Variants in LRBA observed in about 807,000 individuals in gnomAD.
The protein encoded by LRBA is lipopolysaccharide-responsive and beige-like anchor protein.
In LRBA, 176 loss-of-function variants were observed where a neutral mutation model predicts 330.0. The observed-to-expected ratio is 0.53, with a 90% CI of 0.47 to 0.60. The LOEUF is 0.60. Ranked by LOEUF, LRBA falls within the 20% of genes least tolerant of loss-of-function variation. LRBA has a pLI of 0.00. For missense variants in LRBA, 3,259 were observed against 3,444.8 expected (o/e 0.95, Z 1.35); for synonymous variants, 1,230 against 1,193.0 (o/e 1.03, Z -0.64).
intron 33 of LRBA, among the ~76,000 whole-genome samples, chr4:150,805,958 A>G (rs922173088): frequency 2.6e-5 from 4 of 152,160 alleles, no homozygotes; most frequent in African/African-American, 9.7e-5. Flanking sequence ...ATCTAAGTTC[A>G]AGTAAAATCC....
At chr4:150,825,594 G>T (rs1407559902) in intron 30 of LRBA, among the ~76,000 whole-genome samples, 2 of 151,932 alleles carry the variant, frequency 1.3e-5, no homozygotes, top group Non-Finnish European at 2.9e-5. Context: ...GTCTTGAACT[G>T]CTGATCTCAA....
chr4:150,505,316 C>T (rs1184321624), intron 40 of LRBA, among the ~76,000 whole-genome samples: 2 of 152,082 alleles, frequency 1.3e-5, no homozygotes, highest in Non-Finnish European at 2.9e-5. Flanking sequence ...CCAAAATTGA[C>T]CACATAGTTG....
intron 53 of LRBA, among the ~76,000 whole-genome samples, chr4:150,286,638 A>G (rs199862063): frequency 6.8e-6 from 1 of 146,556 alleles, no homozygotes; most frequent in Non-Finnish European, 1.5e-5. Flanking sequence ...CTAAAAAAAA[A>G]CCAAACCCTT....
intron 33 of LRBA, among the ~76,000 whole-genome samples, chr4:150,805,254 A>G (rs1742429693): frequency 7.3e-6 from 1 of 136,644 alleles, no homozygotes; most frequent in Non-Finnish European, 1.6e-5. Context: ...AGGAAAGGAG[A>G]AGGAAACGAG....
chr4:150,630,976 T>TGTCAATG (rs1777320827), intron 37 of LRBA, among the ~76,000 whole-genome samples: 1 of 152,126 alleles, frequency 6.6e-6, no homozygotes, highest in South Asian at 2.1e-4. Context: ...TAACCTAGTG[T>TGTCAATG]GTCAATGGGT....
chr4:150,748,804 G>A (rs1404496242), intron 35 of LRBA, among the ~76,000 whole-genome samples: 1 of 152,108 alleles, frequency 6.6e-6, no homozygotes, highest in Non-Finnish European at 1.5e-5. Flanking sequence ...GAGGTCATTA[G>A]GTCATGAGGG....
intron 47 of LRBA, among the ~76,000 whole-genome samples, chr4:150,364,076 A>G (rs947601329): frequency 5.9e-5 from 9 of 152,212 alleles, no homozygotes; most frequent in African/African-American, 2.2e-4. Context: ...TTAAAGTATC[A>G]TCTTTCAAGG....
chr4:150,929,149 A>G (rs1734197534), intron 2 of LRBA, 84 bp from the exon 3 acceptor site: 5 of 780,040 alleles, frequency 6.4e-6, no homozygotes, highest in East Asian at 2.5e-5. Flanking sequence ...TAGATTAACA[A>G]TAACTACTCA....
chr4:150,625,488 T>C (rs897004627), intron 37 of LRBA, among the ~76,000 whole-genome samples: 2 of 152,232 alleles, frequency 1.3e-5, no homozygotes, highest in Non-Finnish European at 2.9e-5. Flanking sequence ...AAATATTATA[T>C]GCAGCTATGC....
chr4:150,453,575 G>A (rs1331797090), intron 44 of LRBA, among the ~76,000 whole-genome samples: 1 of 152,170 alleles, frequency 6.6e-6, no homozygotes, highest in Non-Finnish European at 1.5e-5. Flanking sequence ...TTTGATCCAA[G>A]TTGTTTTTAG....
chr4:150,419,985 C>T (rs1468312401), intron 46 of LRBA, among the ~76,000 whole-genome samples: 1 of 150,186 alleles, frequency 6.7e-6, no homozygotes, highest in African/African-American at 2.4e-5. Flanking sequence ...GCCTGTAATC[C>T]CAGCACTTTG....
At chr4:150,649,019 C>T (rs938446372) in intron 37 of LRBA, among the ~76,000 whole-genome samples, 1 of 152,112 alleles carries the variant, frequency 6.6e-6, no homozygotes, top group African/African-American at 2.4e-5. Context: ...AAATCTAAGG[C>T]CCTTTTCTTA....
chr4:150,402,621 T>C (rs1745644791), intron 47 of LRBA, among the ~76,000 whole-genome samples: 1 of 152,148 alleles, frequency 6.6e-6, no homozygotes, highest in Admixed American at 6.5e-5. Context: ...GCTTAACATT[T>C]ATTTAGAATA....
chr4:150,850,675 A>T lies in LRBA; in HGVS notation c.4004+49T>A, dbSNP rs370036520. On this transcript the variant is annotated intron_variant, in intron 24 of 56. Transcript: ENST00000651943. ...ACTGTTTCTATGGATTTCTTTGAAA[A>T]TAAAGACTAGGTTTATACACATCTT... 59 of 1,133,552 alleles carry T rather than the reference A, an allele frequency of 5.2e-5. No individual in the cohort carries two copies. The African/African-American group carries it at 7.9e-4, about 15-fold the overall frequency. 70.2% of individuals were successfully genotyped at this position (1,133,552 alleles called of 1,614,324 possible).
intron 2 of LRBA, among the ~76,000 whole-genome samples, chr4:150,994,012 C>T (rs1742377005): frequency 6.6e-6 from 1 of 150,694 alleles, no homozygotes; most frequent in Middle Eastern, 3.2e-3. Context: ...TTGCAGTGAG[C>T]CGAGATCATA....
At chr4:150,355,052 T>C (rs1257589911) in intron 47 of LRBA, among the ~76,000 whole-genome samples, 3 of 151,960 alleles carry the variant, frequency 2.0e-5, no homozygotes, top group Admixed American at 6.6e-5. Context: ...ATTATTTCTT[T>C]ATAAAAAGTG....
intron 36 of LRBA, among the ~76,000 whole-genome samples, chr4:150,728,818 T>C (rs1158935856): frequency 5.9e-5 from 9 of 152,142 alleles, no homozygotes; most frequent in Non-Finnish European, 1.3e-4. Context: ...TTCACCACTA[T>C]TATTCAACAT....
At chr4:150,359,733 C>A (rs966262498) in intron 47 of LRBA, among the ~76,000 whole-genome samples, 1 of 152,174 alleles carries the variant, frequency 6.6e-6, no homozygotes, top group East Asian at 1.9e-4. Flanking sequence ...GTAATCCCAG[C>A]ACTTTGGGAG....
At chr4:150,837,887 C>T (rs1182703554) in intron 28 of LRBA, among the ~76,000 whole-genome samples, 24 of 152,180 alleles carry the variant, frequency 1.6e-4, no homozygotes, top group African/African-American at 3.4e-4. Context: ...TTCCTAGCAT[C>T]GATGGTCTTT....
Sources: allele counts gnomAD v4.1 joint callset (sites outside exome capture counted in the v4.1 genomes callset), GRCh38; gene constraint gnomAD v4.1.1; transcripts MANE v1.5; gene names NCBI Gene and HGNC (gene_info 2026-07-23, HGNC 2026-07-21).